MFSD8: variants seen among roughly 807,000 people sequenced by gnomAD.
MFSD8 encodes major facilitator superfamily domain containing 8.
In MFSD8, 55 loss-of-function variants were observed where a neutral mutation model predicts 66.4. The ratio of observed to expected loss-of-function variants is 0.83; its 90% CI spans 0.67 to 1.04. The LOEUF is 1.04. Ranked by LOEUF, MFSD8 falls within the 50% of genes least tolerant of loss-of-function variation. The pLI is 0.00. For missense variants in MFSD8, 550 were observed against 627.6 expected, an observed-to-expected ratio of 0.88 and a Z score of 1.32; for synonymous variants, 202 against 212.8, an observed-to-expected ratio of 0.95 and a Z score of 0.44.
intron 3 of MFSD8, among the ~76,000 whole-genome samples, chr4:127,944,663 T>C (rs957557115): frequency 6.6e-6 from 1 of 151,740 alleles, no homozygotes; most frequent in Admixed American, 6.6e-5. Flanking sequence ...TTTATTTTTA[T>C]TTTTATTTTT....
intron 9 of MFSD8, among the ~76,000 whole-genome samples, chr4:127,924,770 G>A (rs1736916117): frequency 6.6e-6 from 1 of 152,082 alleles, no homozygotes; most frequent in South Asian, 2.1e-4. Flanking sequence ...CCAAAACAGA[G>A]CCCATATAGC....
chr4:127,932,637 C>CAT (rs989736359), intron 8 of MFSD8: 135 of 158,340 alleles, frequency 8.5e-4, no homozygotes, highest in African/African-American at 2.6e-3. Flanking sequence ...CAGATTGAAT[C>CAT]ATATATATAT....
At chr4:127,938,964 T>C (rs989047504) in intron 6 of MFSD8, 126 bp from the exon 7 acceptor site, 12 of 639,824 alleles carry the variant, frequency 1.9e-5, no homozygotes, top group Non-Finnish European at 3.0e-5. Context: ...TTTTCAGTAA[T>C]AAAACTGTTA....
At chr4:127,959,138 A>G (rs1464830369) in intron 1 of MFSD8, among the ~76,000 whole-genome samples, 1 of 152,222 alleles carries the variant, frequency 6.6e-6, no homozygotes, top group Non-Finnish European at 1.5e-5. Flanking sequence ...GATGTAATGT[A>G]GTGGGGTGTT....
At chr4:127,935,356 T>G (rs557051606) in intron 7 of MFSD8, among the ~76,000 whole-genome samples, 1 of 152,330 alleles carries the variant, frequency 6.6e-6, no homozygotes, top group South Asian at 2.1e-4. Flanking sequence ...CTACTCAGTG[T>G]TGGCTTCAGT....
At chr4:127,956,540 TG>T (rs1742911543) in intron 2 of MFSD8, among the ~76,000 whole-genome samples, 1 of 146,950 alleles carries the variant, frequency 6.8e-6, no homozygotes, top group African/African-American at 2.5e-5. Context: ...TATTTTTAAC[TG>T]GGGGCGGTGA....
At chr4:127,935,601 T>C (rs1034254900) in intron 7 of MFSD8, among the ~76,000 whole-genome samples, 1 of 152,226 alleles carries the variant, frequency 6.6e-6, no homozygotes, top group Non-Finnish European at 1.5e-5. Flanking sequence ...AATTTTATTT[T>C]ATAAAAATTA....
chr4:127,938,512 G>C (rs2148900534), intron 7 of MFSD8, among the ~76,000 whole-genome samples: 1 of 151,374 alleles, frequency 6.6e-6, no homozygotes, highest in South Asian at 2.1e-4. Flanking sequence ...GAACCCCGGA[G>C]GCAGAGCTTG....
chr4:127,939,817 T>C (rs1578888732), intron 6 of MFSD8, 36 bp downstream of exon 6: 5 of 1,578,298 alleles, frequency 3.2e-6, no homozygotes, highest in Non-Finnish European at 4.3e-6. Flanking sequence ...AATTTCACAA[T>C]CTACAAAAAT....
At chr4:127,940,133 G>A (rs1739907711) in intron 5 of MFSD8, 136 bp from the exon 6 acceptor site, 1 of 884,412 alleles carries the variant, frequency 1.1e-6, no homozygotes, top group Non-Finnish European at 1.7e-6. Context: ...TCAACAGATG[G>A]AATTGGTTCT....
At chr4:127,932,883 T>C in intron 8 of MFSD8, 102 bp downstream of exon 8, 3 of 1,047,320 alleles carry the variant, frequency 2.9e-6, no homozygotes, top group Non-Finnish European at 4.2e-6. Flanking sequence ...AAATTTGCCT[T>C]ACATAAGATT....
In MFSD8 at chr4:127,933,023, C is replaced by T; in HGVS notation, c.825G>A (p.Leu275=). 6.2e-7 allele frequency: 1 copy of T among 1,613,692 alleles called. No individual in the cohort carries two copies. The highest frequency in any genetic ancestry group is 1.1e-5 in the South Asian group (1 of 91,070). The part of the protein sequence containing the change: ...DQVAVVAINV[L]FFVTLFIFAL... ...CAAAGATAAATAGAGTCACAAAAAA[C>T]AGAACATTGATGGCCACAACAGCAA... The change falls in exon 8 of 12, where the codon CTG becomes CTA. Residue 275 remains leucine (L), a synonymous_variant. Coordinates refer to ENST00000641686, the MANE Select transcript of MFSD8 (RefSeq NM_001371596.2).
At chr4:127,943,614 T>A in intron 4 of MFSD8, 138 bp downstream of exon 4, 1 of 1,040,134 alleles carries the variant, frequency 9.6e-7, no homozygotes. Flanking sequence ...ATAAGAAAAA[T>A]ATTTGTTTAC....
At chr4:127,942,290 A>G (rs1740314768) in intron 4 of MFSD8, 132 bp from the exon 5 acceptor site, 1 of 705,138 alleles carries the variant, frequency 1.4e-6, no homozygotes. Context: ...CTTTATGATC[A>G]CACAAAGCAT....
intron 1 of MFSD8, among the ~76,000 whole-genome samples, chr4:127,961,673 C>T (rs898410530): frequency 2.0e-5 from 3 of 151,788 alleles, no homozygotes; most frequent in African/African-American, 7.3e-5. Context: ...AAAATTAGCC[C>T]GGCGTGGTGA....
At chr4:127,955,215 A>G (rs1742645099) in intron 2 of MFSD8, among the ~76,000 whole-genome samples, 1 of 152,198 alleles carries the variant, frequency 6.6e-6, no homozygotes, top group South Asian at 2.1e-4. Flanking sequence ...AACAGCCAAG[A>G]GGTGGAAGCA....
At chr4:127,922,170 T>A (rs1184623524) in intron 9 of MFSD8, among the ~76,000 whole-genome samples, 1 of 152,180 alleles carries the variant, frequency 6.6e-6, no homozygotes, top group Non-Finnish European at 1.5e-5. Flanking sequence ...AAAAAGTAGA[T>A]GAGCTCAGAT....
At chr4:127,932,666 T>G (rs1239575973) in intron 8 of MFSD8, 1 of 221,748 alleles carries the variant, frequency 4.5e-6, no homozygotes, top group Non-Finnish European at 8.9e-6. Flanking sequence ...ATGTAGGAAA[T>G]TATAGAGCTT....
At position 127,921,949 on chromosome 4, in the gene MFSD8, G is replaced by A; in HGVS notation, c.1013C>T (p.Ala338Val). ...KLLSKKIGERAILLGGLIVVW... is the reference protein window; with the variant it reads ...KLLSKKIGERVILLGGLIVVW... ...AACGATGAGTCCTCCCAGTAGAATA[G>A]CACGCTCGCCAATCCTGTTAAAGAA... Residue 338 changes from alanine (A) to valine (V), a missense_variant, in exon 10 of 12, where the codon GCT (alanine) becomes GTT (valine). Transcript: ENST00000641686. The A allele has an allele frequency of 1.9e-6, 3 of 1,614,006 alleles. No homozygotes were observed. The highest frequency in any genetic ancestry group is 2.5e-6 in the Non-Finnish European group (3 of 1,179,928).
Sources: gnomAD v4.1 joint callset for allele counts (sites outside exome capture counted in the v4.1 genomes callset) on GRCh38, gnomAD v4.1.1 for gene constraint, MANE v1.5 for transcripts, NCBI Gene and HGNC (gene_info 2026-07-23, HGNC 2026-07-21) for gene names.